CLNK: variants seen among roughly 807,000 people sequenced by gnomAD.
The protein encoded by CLNK is cytokine-dependent hematopoietic cell linker.
CLNK carries 74 observed loss-of-function variants against 68.6 expected under a neutral mutation model. That is an observed-to-expected ratio of 1.08 (90% CI 0.89 to 1.31). The LOEUF (loss-of-function observed/expected upper bound fraction) is 1.31, where lower values mean the gene tolerates loss of function less well. Among genes scored for constraint, CLNK ranks in the 50% most tolerant of loss-of-function variants. The pLI is 0.00. For synonymous variants in CLNK, 198 were observed against 172.2 expected (o/e 1.15, Z -1.17); for missense variants, 553 against 515.3 (o/e 1.07, Z -0.71).
chr4:10,648,374 A>G (rs1723594551), intron 2 of CLNK, among the ~76,000 whole-genome samples: 1 of 152,208 alleles, frequency 6.6e-6, no homozygotes, highest in South Asian at 2.1e-4. Context: ...AGAACTAAAA[A>G]TTAAGTGTCA....
intron 2 of CLNK, among the ~76,000 whole-genome samples, chr4:10,634,435 ATTAG>A (rs1204323479): frequency 9.2e-5 from 14 of 152,108 alleles, no homozygotes; most frequent in East Asian, 1.9e-4. Context: ...GCTGAAGTTA[ATTAG>A]TTCTCTTTAT....
At chr4:10,655,328 C>CAA (rs145000574) in intron 2 of CLNK, among the ~76,000 whole-genome samples, 1 of 87,558 alleles carries the variant, frequency 1.1e-5, no homozygotes, top group African/African-American at 4.6e-5. Flanking sequence ...CTAAAACCCC[C>CAA]AAAGACAGAG....
At chr4:10,686,481 G>A (rs1437685408), upstream of CLNK, among the ~76,000 whole-genome samples, 1 of 151,706 alleles carries the variant, frequency 6.6e-6, no homozygotes, top group Admixed American at 6.6e-5. Flanking sequence ...TGGCAATCAT[G>A]TCAGCCAGGT....
intron 3 of CLNK, among the ~76,000 whole-genome samples, chr4:10,594,066 G>A (rs1331554488): frequency 6.6e-6 from 1 of 152,180 alleles, no homozygotes; most frequent in African/African-American, 2.4e-5. Context: ...GCATGACACA[G>A]GCTTATGATC....
In CLNK at chr4:10,504,974, C is replaced by T. The variant is rs528954825; in HGVS notation, c.984+2985G>A. On this transcript the variant is annotated intron_variant, in intron 17 of 18. Transcript: ENST00000226951. ...AGAGAGGAAGGGAATATTTGCTGAG[C>T]GCCCAAATGCTGCTGGAAGAGCATC... Among the ~76,000 whole-genome samples the T allele has an allele frequency of 1.6e-4, 25 of 152,282 alleles. No homozygotes were observed. The South Asian group carries it at 3.9e-3, about 24-fold the overall frequency.
chr4:10,497,001 T>G (rs1349989773), intron 18 of CLNK, among the ~76,000 whole-genome samples: 3 of 152,206 alleles, frequency 2.0e-5, no homozygotes, highest in African/African-American at 7.2e-5. Flanking sequence ...GTTTGTGTGT[T>G]TTGTCCAATT....
intron 2 of CLNK, among the ~76,000 whole-genome samples, chr4:10,619,920 G>A (rs1722370530): frequency 1.3e-5 from 2 of 152,048 alleles, no homozygotes; most frequent in African/African-American, 4.8e-5. Flanking sequence ...CAAAGCCCGG[G>A]GCGTTTTCCC....
At chr4:10,665,986 C>G (rs73216726) in intron 2 of CLNK, among the ~76,000 whole-genome samples, 20,010 of 152,088 alleles carry the variant, frequency 0.13, 1,513 homozygotes, top group Non-Finnish European at 0.17. Flanking sequence ...TGGCAAATAT[C>G]TTTATATCAG....
At chr4:10,536,102 A>G (rs988064281) in intron 11 of CLNK, among the ~76,000 whole-genome samples, 3 of 152,332 alleles carry the variant, frequency 2.0e-5, no homozygotes, top group Admixed American at 2.0e-4. Context: ...CTGAAACACA[A>G]TAGCTGGAAC....
chr4:10,614,340 T>C lies in CLNK; in HGVS notation c.12-16291A>G, dbSNP rs140840168. Among the ~76,000 whole-genome samples, 6 of 152,310 alleles carry C rather than the reference T, an allele frequency of 3.9e-5. No homozygotes were observed. The East Asian group carries it at 1.2e-3, about 29-fold the overall frequency. On this transcript the variant is annotated intron_variant, in intron 2 of 18. Coordinates refer to ENST00000226951, the MANE Select transcript of CLNK (RefSeq NM_052964.4). ...CCTGGATATGTTAGATTTATCCACA[T>C]AGAGCCCTGGTTCCCTTAAGTAAGG...
chr4:10,705,640 A>C, the CLNK span, among the ~76,000 whole-genome samples: 1 of 152,092 alleles, frequency 6.6e-6, no homozygotes, highest in East Asian at 1.9e-4. Flanking sequence ...TTCCTCTTCC[A>C]CATTTAAGGA....
intron 2 of CLNK, among the ~76,000 whole-genome samples, chr4:10,646,620 G>A (rs758581102): frequency 3.3e-5 from 5 of 152,148 alleles, no homozygotes. Flanking sequence ...GTGCTTCTTG[G>A]CACAGAGTGC....
chr4:10,686,668 G>C (rs1488968308), upstream of CLNK, among the ~76,000 whole-genome samples: 1 of 150,420 alleles, frequency 6.6e-6, no homozygotes, highest in Non-Finnish European at 1.5e-5. Flanking sequence ...AAGTCACATG[G>C]CCAAGTTCAG....
At chr4:10,723,918 G>GAGAGAGAGA in the CLNK span, among the ~76,000 whole-genome samples, 62 of 146,724 alleles carry the variant, frequency 4.2e-4, no homozygotes, top group African/African-American at 1.6e-3. Context: ...GAGAGAGAGA[G>GAGAGAGAGA]AAGGCAGGGC....
chr4:10,516,005 A>G (rs1717819553), intron 15 of CLNK, among the ~76,000 whole-genome samples: 1 of 152,174 alleles, frequency 6.6e-6, no homozygotes, highest in Non-Finnish European at 1.5e-5. Flanking sequence ...TTTTCTCTAT[A>G]TACCTCAATC....
At chr4:10,593,252 C>A (rs529324007) in intron 3 of CLNK, among the ~76,000 whole-genome samples, 1 of 152,078 alleles carries the variant, frequency 6.6e-6, no homozygotes, top group Non-Finnish European at 1.5e-5. Flanking sequence ...TCAGGGCAGG[C>A]GGGGCAGACC....
intron 2 of CLNK, among the ~76,000 whole-genome samples, chr4:10,615,287 C>T (rs1454209756): frequency 6.6e-6 from 1 of 152,182 alleles, no homozygotes; most frequent in Admixed American, 6.5e-5. Flanking sequence ...CGAAACCAGC[C>T]AGGCCAACAT....
chr4:10,489,386 C>A lies in CLNK; in HGVS notation c.*1081G>T, dbSNP rs1716469612. 1 of 152,142 alleles carries A rather than the reference C, an allele frequency of 6.6e-6. No homozygotes were observed. Among genetic ancestry groups the A allele is most frequent in the Non-Finnish European group, 1.5e-5 (1 of 68,026 alleles). The allele number at this position is 152,142 out of a possible 1,614,324, so 9.4% of individuals were successfully genotyped here. The stretch of plus-strand genomic sequence containing the variant: ...AAGTCCATAATTGGAATTGTTAATA[C>A]AATTTTTAGTTTCCCTCAGACATAT... On this transcript the variant is annotated 3_prime_UTR_variant, in exon 19 of 19. Transcript: ENST00000226951.
At position 10,584,969 on chromosome 4, in the gene CLNK, G is replaced by C; in HGVS notation, c.84-14C>G. On this transcript the variant is annotated splice_polypyrimidine_tract_variant and intron_variant, in intron 3 of 18. Coordinates refer to ENST00000226951, the MANE Select transcript of CLNK (RefSeq NM_052964.4). Reference sequence around the variant, plus strand: ...CGAGGCCATGACCTAGGGCAGAAAAGAGAACCAAGTTAAATGTCCATTGCT... The same window carrying C: ...CGAGGCCATGACCTAGGGCAGAAAACAGAACCAAGTTAAATGTCCATTGCT... The C allele has an allele frequency of 1.2e-6, 2 of 1,613,472 alleles. No homozygotes were observed. Among genetic ancestry groups the C allele is most frequent in the Non-Finnish European group, 8.5e-7 (1 of 1,179,746 alleles).
Sources: allele counts gnomAD v4.1 joint callset (sites outside exome capture counted in the v4.1 genomes callset), GRCh38; gene constraint gnomAD v4.1.1; transcripts MANE v1.5; gene names NCBI Gene and HGNC (gene_info 2026-07-23, HGNC 2026-07-21).